The following ALMS1 variants were observed in gnomAD, a reference collection of about 807,000 sequenced individuals.
ALMS1 encodes centrosome-associated protein ALMS1.
A neutral mutation model predicts 352.2 loss-of-function variants in ALMS1; 271 were observed. The observed-to-expected ratio is 0.77, with a 90% CI of 0.70 to 0.85. The LOEUF (loss-of-function observed/expected upper bound fraction) is 0.85, where lower values mean the gene tolerates loss of function less well. ALMS1 is among the 40% of genes least tolerant of loss of function. ALMS1 has a pLI of 0.00. For synonymous variants in ALMS1, 1,865 were observed against 1,761.2 expected, an observed-to-expected ratio of 1.06 and a Z score of -1.48; for missense variants, 5,445 against 4,870.7, an observed-to-expected ratio of 1.12 and a Z score of -3.51.
At chr2:73,439,131 TAA>T (rs1553402317) in intron 7 of ALMS1, among the ~76,000 whole-genome samples, 2 of 150,168 alleles carry the variant, frequency 1.3e-5, no homozygotes, top group Admixed American at 6.6e-5. Flanking sequence ...TTTTTTTTTT[TAA>T]ATAAAGATAA....
At chr2:73,406,623 G>A (rs1216278862) in intron 1 of ALMS1, among the ~76,000 whole-genome samples, 2 of 151,958 alleles carry the variant, frequency 1.3e-5, no homozygotes, top group East Asian at 3.9e-4. Context: ...AACTCCTTAG[G>A]AGGATAACAA....
At chr2:73,565,696 T>C (rs1167311088) in intron 15 of ALMS1, among the ~76,000 whole-genome samples, 1 of 152,230 alleles carries the variant, frequency 6.6e-6, no homozygotes, top group East Asian at 1.9e-4. Flanking sequence ...GTAAGTCATG[T>C]TGATAGTATG....
intron 16 of ALMS1, among the ~76,000 whole-genome samples, chr2:73,596,100 C>G (rs1675540727): frequency 6.6e-6 from 1 of 152,168 alleles, no homozygotes; most frequent in South Asian, 2.1e-4. Flanking sequence ...GGTTTTAATA[C>G]AGTAATGATG....
At chr2:73,456,844 C>A (rs1221687632) in intron 9 of ALMS1, 1 of 152,148 alleles carries the variant, frequency 6.6e-6, no homozygotes, top group African/African-American at 2.4e-5. Context: ...TTTAAAATTA[C>A]ATAGTTTTCT....
intron 9 of ALMS1, among the ~76,000 whole-genome samples, chr2:73,461,492 C>T (rs1394225843): frequency 6.6e-6 from 1 of 152,148 alleles, no homozygotes; most frequent in South Asian, 2.1e-4. Flanking sequence ...TAGATAAAAC[C>T]ACAAAGATGC....
At chr2:73,575,770 G>T (rs1675039225) in intron 16 of ALMS1, among the ~76,000 whole-genome samples, 2 of 151,856 alleles carry the variant, frequency 1.3e-5, no homozygotes, top group African/African-American at 4.8e-5. Context: ...CCATTTTGTA[G>T]GTTGCCTCTT....
chr2:73,544,510 A>G (rs1238918829), intron 12 of ALMS1, among the ~76,000 whole-genome samples: 2 of 152,218 alleles, frequency 1.3e-5, no homozygotes, highest in Non-Finnish European at 2.9e-5. Flanking sequence ...AACTTAAAGT[A>G]TAGTAAAAAA....
chr2:73,586,207 C>T (rs1675308389), intron 16 of ALMS1, among the ~76,000 whole-genome samples: 1 of 152,230 alleles, frequency 6.6e-6, no homozygotes, highest in Non-Finnish European at 1.5e-5. Context: ...CAAATAGTTT[C>T]TCCCATTTTG....
intron 9 of ALMS1, among the ~76,000 whole-genome samples, chr2:73,483,539 T>G (rs1672760148): frequency 6.6e-6 from 1 of 151,618 alleles, no homozygotes; most frequent in East Asian, 1.9e-4. Flanking sequence ...CTGAAAAAAA[T>G]GTATATTCTG....
Position 73,575,562 on chromosome 2 carries a change from C to G in ALMS1, c.11547+2138C>G, listed in dbSNP as rs543355956. Among the ~76,000 whole-genome samples the G allele has an allele frequency of 2.6e-5, 4 of 152,260 alleles. No homozygotes were observed. In the South Asian group the frequency reaches 8.3e-4, roughly 32 times the overall value. On this transcript the variant is annotated intron_variant, in intron 16 of 22. Coordinates refer to ENST00000613296, the MANE Select transcript of ALMS1 (RefSeq NM_001378454.1). The stretch of plus-strand genomic sequence containing the variant: ...CATTGTGGTTTTGATTTGCATTTCC[C>G]TAGTGATTATTCATGTTGCACATCT...
At position 73,490,969 on chromosome 2, in the gene ALMS1, A is replaced by G. The variant is rs1672971536; in HGVS notation, c.9010A>G (p.Lys3004Glu). The G allele has an allele frequency of 1.2e-6, 2 of 1,614,230 alleles. No homozygotes were observed. The highest frequency in any genetic ancestry group is 1.7e-6 in the Non-Finnish European group (2 of 1,180,040). Residue 3004 changes from lysine to glutamate, a missense_variant, in exon 10 of 23, where the codon AAA becomes GAA. Transcript: ENST00000613296. ...VVEKNNQHKP[K>E]SHISNINVEA... is the part of the protein sequence containing the mutation. ...GGAAAAGAATAATCAACATAAGCCTAAATCACACATTTCTAATATAAATGT... is the reference window on the plus strand; with the variant it reads ...GGAAAAGAATAATCAACATAAGCCTGAATCACACATTTCTAATATAAATGT...
At chr2:73,416,201 T>C (rs913484949) in intron 2 of ALMS1, among the ~76,000 whole-genome samples, 1 of 152,216 alleles carries the variant, frequency 6.6e-6, no homozygotes, top group Non-Finnish European at 1.5e-5. Flanking sequence ...CTGTCCCCTA[T>C]AGAAAGGAGT....
At chr2:73,536,564 A>T (rs770578709) in intron 12 of ALMS1, among the ~76,000 whole-genome samples, 2 of 152,200 alleles carry the variant, frequency 1.3e-5, no homozygotes, top group Admixed American at 1.3e-4. Context: ...GTAGACCTAC[A>T]CTGGATGAAA....
Position 73,422,918 on chromosome 2 carries a change from A to G in ALMS1, c.708A>G (p.Gln236=), listed in dbSNP as rs1314030990. ...TGCTGACCTGTTTGACACAAGACCA[A>G]GAATTTGCGCCTGATTCTTTATTTC... ...LPLLTCLTQD[Q]EFAPDSLFHQ... is the part of the protein sequence containing the mutation. The change falls in exon 4 of 23, where the codon CAA becomes CAG. Residue 236 remains glutamine, a synonymous_variant. Coordinates refer to ENST00000613296, the MANE Select transcript of ALMS1 (RefSeq NM_001378454.1). 2 of 1,613,656 alleles carry G rather than the reference A, an allele frequency of 1.2e-6. No homozygotes were observed. The highest frequency in any genetic ancestry group is 8.5e-7 in the Non-Finnish European group (1 of 1,179,744).
chr2:73,418,051 A>G (rs373841215), intron 2 of ALMS1, among the ~76,000 whole-genome samples: 7 of 152,194 alleles, frequency 4.6e-5, no homozygotes, highest in African/African-American at 1.7e-4. Flanking sequence ...GAAATCAAAC[A>G]TTTGGGCTTG....
chr2:73,399,936 G>GTTT (rs1382540969), intron 1 of ALMS1, among the ~76,000 whole-genome samples: 2,936 of 119,038 alleles, frequency 0.025, 137 homozygotes, highest in Admixed American at 0.065. Context: ...TATATTAATT[G>GTTT]TTTTTTTTTT....
At position 73,601,219 on chromosome 2, in the gene ALMS1, A is replaced by T. The variant is rs377523400; in HGVS notation, c.11897A>T (p.Glu3966Val). Residue 3966 changes from glutamate (E) to valine (V), a missense_variant, in exon 19 of 23, where the codon GAA becomes GTA. Glu to Val is a moderately radical substitution (Grantham distance 121). Transcript: ENST00000613296. The stretch of plus-strand genomic sequence containing the variant: ...GGAGTTTCCTGGTTTGTTCCTGTGG[A>T]AAATGTGGAGTCTAGATCAAAGAAG... ...HEGVSWFVPVENVESRSKKEN... is the reference protein window; with the variant it reads ...HEGVSWFVPVVNVESRSKKEN... 39 of 1,614,116 alleles carry T rather than the reference A, an allele frequency of 2.4e-5. No individual in the cohort carries two copies. In the East Asian group the frequency reaches 7.6e-4, roughly 31 times the overall value.
At chr2:73,397,388 T>C (rs1236781677) in intron 1 of ALMS1, among the ~76,000 whole-genome samples, 1 of 151,994 alleles carries the variant, frequency 6.6e-6, no homozygotes, top group African/African-American at 2.4e-5. Flanking sequence ...TGTTCAGCTT[T>C]TTTTTTTTAT....
Position 73,559,218 on chromosome 2 carries a change from A to G in ALMS1, c.10384+76A>G, listed in dbSNP as rs1437070130. 1.4e-5 allele frequency: 21 copies of G among 1,536,212 alleles called. No homozygotes were observed. The African/African-American group carries it at 2.6e-4, about 19-fold the overall frequency. ...GGGTCAGTGTTAGTGTTTCCATTTC[A>G]TTCTGATGAGAATATAGCCTCATGA... On this transcript the variant is annotated intron_variant, in intron 15 of 22. Transcript: ENST00000613296.
Sources: allele counts gnomAD v4.1 joint callset (sites outside exome capture counted in the v4.1 genomes callset), GRCh38; gene constraint gnomAD v4.1.1; transcripts MANE v1.5; gene names NCBI Gene and HGNC (gene_info 2026-07-23, HGNC 2026-07-21).